Variants in OSBP2 observed in about 807,000 individuals in gnomAD.
OSBP2 encodes the protein oxysterol binding protein 2, also known as oxysterol-binding protein 2.
In OSBP2, 66 loss-of-function variants were observed where a neutral mutation model predicts 96.0. The ratio of observed to expected loss-of-function variants is 0.69; its 90% CI spans 0.56 to 0.84. OSBP2 has a LOEUF of 0.84. OSBP2 is among the 40% of genes least tolerant of loss of function. The pLI is 0.00. For missense variants in OSBP2, 1,038 were observed against 1,222.7 expected (o/e 0.85, Z 2.25); for synonymous variants, 525 against 520.9 (o/e 1.01, Z -0.11).
intron 2 of OSBP2, among the ~76,000 whole-genome samples, chr22:30,748,063 G>A (rs559526333): frequency 6.6e-6 from 1 of 151,780 alleles, no homozygotes; most frequent in South Asian, 2.1e-4. Context: ...TTTTAGTAGA[G>A]GCAGGGTTTT....
At chr22:30,790,536 T>C (rs1356426657) in intron 2 of OSBP2, among the ~76,000 whole-genome samples, 4 of 152,024 alleles carry the variant, frequency 2.6e-5, no homozygotes, top group Non-Finnish European at 4.4e-5. Context: ...CACATGTGGT[T>C]GCTCCAAGGC....
At chr22:30,727,498 A>G (rs2089670080) in intron 1 of OSBP2, among the ~76,000 whole-genome samples, 1 of 152,132 alleles carries the variant, frequency 6.6e-6, no homozygotes, top group African/African-American at 2.4e-5. Context: ...CTCAGAGAAG[A>G]GGTGAGAACA....
intron 2 of OSBP2, among the ~76,000 whole-genome samples, chr22:30,771,083 C>G (rs975232757): frequency 6.6e-6 from 1 of 152,222 alleles, no homozygotes; most frequent in Non-Finnish European, 1.5e-5. Flanking sequence ...TAAATCCTGT[C>G]CCCGTTGCTG....
chr22:30,777,727 T>C (rs1416951365), intron 2 of OSBP2, among the ~76,000 whole-genome samples: 1 of 151,982 alleles, frequency 6.6e-6, no homozygotes, highest in Non-Finnish European at 1.5e-5. Context: ...GCCCTCCTGC[T>C]AAGGGAGGGC....
At chr22:30,706,192 C>T (rs1023339264) in intron 1 of OSBP2, among the ~76,000 whole-genome samples, 2 of 152,166 alleles carry the variant, frequency 1.3e-5, no homozygotes, top group Non-Finnish European at 2.9e-5. Flanking sequence ...GTGAATCACA[C>T]AGCAGGTGTC....
chr22:30,870,556 C>T lies in OSBP2; in HGVS notation c.981C>T (p.Gly327=), dbSNP rs34660027. 87 of 1,613,936 alleles carry T rather than the reference C, an allele frequency of 5.4e-5. No homozygotes were observed. Among genetic ancestry groups the T allele is most frequent in the Non-Finnish European group, 6.4e-5 (76 of 1,179,998 alleles). Residue 327 remains glycine (G), a synonymous_variant, in exon 3 of 14, where the codon GGC becomes GGT. Coordinates refer to ENST00000332585, the MANE Select transcript of OSBP2 (RefSeq NM_030758.4). This position sits in a 1 kb window ranked among gnomAD's most constrained non-coding sequence, Gnocchi z 4.1. The part of the protein sequence containing the change: ...STCNDLIAKH[G]AALQRSLTEL... ...GCAATGACCTCATCGCCAAGCACGG[C>T]GCTGCACTCCAGCGCTCCCTGACAG...
intron 1 of OSBP2, among the ~76,000 whole-genome samples, chr22:30,724,938 C>G (rs1449447720): frequency 1.3e-5 from 2 of 151,968 alleles, no homozygotes; most frequent in Non-Finnish European, 2.9e-5. Context: ...CTTTGGGAGG[C>G]CGAGGCGGGT....
At chr22:30,844,148 T>C (rs1251416346) in intron 2 of OSBP2, among the ~76,000 whole-genome samples, 3 of 152,174 alleles carry the variant, frequency 2.0e-5, no homozygotes, top group African/African-American at 7.2e-5. Context: ...GTGGTAGGAT[T>C]ACAAGCATGA....
chr22:30,780,089 A>G (rs2090495898), intron 2 of OSBP2, among the ~76,000 whole-genome samples: 1 of 152,268 alleles, frequency 6.6e-6, no homozygotes, highest in Admixed American at 6.5e-5. Context: ...CCAAATCAAG[A>G]TGCCAGAACT....
chr22:30,713,734 A>T (rs1569093173), intron 1 of OSBP2, among the ~76,000 whole-genome samples: 1 of 152,164 alleles, frequency 6.6e-6, no homozygotes. Flanking sequence ...AAATACTGAG[A>T]TTACAGATGT....
At chr22:30,899,651 T>C (rs1251495551) in intron 12 of OSBP2, among the ~76,000 whole-genome samples, 4 of 152,114 alleles carry the variant, frequency 2.6e-5, no homozygotes, top group African/African-American at 7.2e-5. Context: ...ATAACCCTCA[T>C]ACCAAATTAG....
intron 1 of OSBP2, among the ~76,000 whole-genome samples, chr22:30,706,006 A>G (rs73154619): frequency 2.4e-4 from 37 of 152,336 alleles, no homozygotes; most frequent in Non-Finnish European, 5.1e-4. Flanking sequence ...AAAGAAAGAC[A>G]GGTCTATGAA....
chr22:30,863,369 TC>T (rs1240065085), intron 2 of OSBP2, among the ~76,000 whole-genome samples: 1 of 152,158 alleles, frequency 6.6e-6, no homozygotes, highest in Non-Finnish European at 1.5e-5. Context: ...GGTGCAGTTT[TC>T]TGGCGAGGGT....
At chr22:30,846,002 C>G (rs2038862422) in intron 2 of OSBP2, among the ~76,000 whole-genome samples, 2 of 151,932 alleles carry the variant, frequency 1.3e-5, no homozygotes, top group Non-Finnish European at 1.5e-5. Context: ...AACAATGCTG[C>G]TATGAACATT....
intron 2 of OSBP2, among the ~76,000 whole-genome samples, chr22:30,798,640 T>C (rs1265304609): frequency 2.0e-5 from 3 of 152,238 alleles, no homozygotes; most frequent in East Asian, 3.8e-4. Context: ...CTTCAGTATG[T>C]GGATACACAC....
At chr22:30,769,712 C>T (rs1345803972) in intron 2 of OSBP2, among the ~76,000 whole-genome samples, 2 of 152,126 alleles carry the variant, frequency 1.3e-5, no homozygotes, top group Non-Finnish European at 2.9e-5. Context: ...GAGGGAAGCA[C>T]GTGGAACAGC....
chr22:30,867,575 T>G (rs530132307), intron 2 of OSBP2, among the ~76,000 whole-genome samples: 1 of 152,348 alleles, frequency 6.6e-6, no homozygotes, highest in South Asian at 2.1e-4. Flanking sequence ...CAGAACAGAC[T>G]GTGCTCATGG....
At chr22:30,883,608 G>A (rs566484289) in intron 3 of OSBP2, among the ~76,000 whole-genome samples, 1 of 152,348 alleles carries the variant, frequency 6.6e-6, no homozygotes, top group African/African-American at 2.4e-5. Flanking sequence ...TAGGATGTTA[G>A]AGCAAGCTCT....
rs946103450 is a variant in OSBP2, at chr22:30,907,247, CCCT to C, written c.*913_*915del. The C allele has an allele frequency of 6.6e-5, 10 of 152,658 alleles. No individual in the cohort carries two copies. The highest frequency in any genetic ancestry group is 4.6e-4 in the Admixed American group (7 of 15,298). 9.5% of individuals were successfully genotyped at this position (152,658 alleles called of 1,614,324 possible). On this transcript the variant is annotated 3_prime_UTR_variant, in exon 14 of 14. Coordinates refer to ENST00000332585, the MANE Select transcript of OSBP2 (RefSeq NM_030758.4). Reference sequence around the variant, plus strand: ...GACCTGGGCACCAGAGACCTTGCATCCCTCCTCATCCTAGGAGGCCCCTAGGGG... The same window carrying C: ...GACCTGGGCACCAGAGACCTTGCATCCCTCATCCTAGGAGGCCCCTAGGGG...
Sources: allele counts gnomAD v4.1 joint callset (sites outside exome capture counted in the v4.1 genomes callset), GRCh38; gene constraint gnomAD v4.1.1; non-coding constraint Gnocchi (gnomAD v3.1); transcripts MANE v1.5; gene names NCBI Gene and HGNC (gene_info 2026-07-23, HGNC 2026-07-21).